Variants in PRELID2 observed in about 807,000 individuals in gnomAD.
The protein encoded by PRELID2 is PRELI domain containing 2.
A neutral mutation model predicts 28.4 loss-of-function variants in PRELID2; 25 were observed. The observed-to-expected ratio is 0.88, with a 90% CI of 0.64 to 1.23. The LOEUF is 1.23. Ranked by LOEUF, PRELID2 falls within the 50% of genes most tolerant of loss-of-function variation. PRELID2 has a pLI of 0.00. For synonymous variants in PRELID2, 76 were observed against 71.6 expected (o/e 1.06, Z -0.31); for missense variants, 201 against 214.4 (o/e 0.94, Z 0.39).
chr5:145,334,248 T>C, the PRELID2 span, among the ~76,000 whole-genome samples: 1 of 152,216 alleles, frequency 6.6e-6, no homozygotes, highest in Non-Finnish European at 1.5e-5. Flanking sequence ...AAAAATTATT[T>C]TTTGGTTACT....
Position 145,787,904 on chromosome 5 carries a change from A to G in PRELID2, c.474+8538T>C, listed in dbSNP as rs76820546. On this transcript the variant is annotated intron_variant, in intron 5 of 6. Coordinates refer to ENST00000683046, the MANE Select transcript of PRELID2 (RefSeq NM_205846.3). ...ATATGAACAAATAATCAGTCTATCT[A>G]TGGTCTTAAAATTTCATGGTGAAAA... Among the ~76,000 whole-genome samples, 100 of 152,276 alleles carry G rather than the reference A, an allele frequency of 6.6e-4. 1 individual carries two copies. In the East Asian group the frequency reaches 0.017, roughly 26 times the overall value.
chr5:145,799,024 A>AT (rs1752952816), intron 4 of PRELID2, among the ~76,000 whole-genome samples: 1 of 148,938 alleles, frequency 6.7e-6, no homozygotes, highest in African/African-American at 2.5e-5. Context: ...AAGTATAATA[A>AT]AATATATATA....
At chr5:145,243,228 G>A in the PRELID2 span, among the ~76,000 whole-genome samples, 1 of 151,976 alleles carries the variant, frequency 6.6e-6, no homozygotes, top group African/African-American at 2.4e-5. Flanking sequence ...CAAAAGAGTT[G>A]GAAATGCCTT....
At chr5:145,735,825 T>C (rs572947670) in intron 1 of PRELID2, among the ~76,000 whole-genome samples, 1 of 152,286 alleles carries the variant, frequency 6.6e-6, no homozygotes, top group Admixed American at 6.5e-5. Context: ...TAAAGCACCC[T>C]CTACAGATGT....
chr5:145,501,604 C>G (rs977133356), intron 1 of PRELID2, among the ~76,000 whole-genome samples: 1 of 152,162 alleles, frequency 6.6e-6, no homozygotes, highest in African/African-American at 2.4e-5. Flanking sequence ...CTTGCTGCCT[C>G]CAGGTATGAA....
chr5:145,422,051 G>A, the PRELID2 span, among the ~76,000 whole-genome samples: 40 of 141,298 alleles, frequency 2.8e-4, 2 homozygotes, highest in South Asian at 8.9e-3. Flanking sequence ...TTTTGAGTGA[G>A]ATTCTTAATC....
the PRELID2 span, among the ~76,000 whole-genome samples, chr5:145,249,937 GTCTCTCTCTC>G: frequency 1.0e-4 from 14 of 138,698 alleles, 1 homozygote; most frequent in East Asian, 2.5e-3. Flanking sequence ...CTCTCTCTCT[GTCTCTCTCTC>G]TCTCTCTCTC....
intron 1 of PRELID2, among the ~76,000 whole-genome samples, chr5:145,657,362 C>T (rs981330602): frequency 6.6e-6 from 1 of 152,098 alleles, no homozygotes; most frequent in Non-Finnish European, 1.5e-5. Context: ...TACTGGATGA[C>T]TCTACCTGCT....
At chr5:145,366,811 T>C in the PRELID2 span, among the ~76,000 whole-genome samples, 4 of 151,852 alleles carry the variant, frequency 2.6e-5, no homozygotes, top group Admixed American at 6.6e-5. Flanking sequence ...TATCCATAGA[T>C]GCTCCATTTT....
the PRELID2 span, among the ~76,000 whole-genome samples, chr5:145,357,406 C>T: frequency 6.6e-6 from 1 of 152,258 alleles, no homozygotes; most frequent in Non-Finnish European, 1.5e-5. Context: ...TTTACATAAT[C>T]CCATATTTCT....
At chr5:145,343,473 GAA>G in the PRELID2 span, among the ~76,000 whole-genome samples, 106 of 147,144 alleles carry the variant, frequency 7.2e-4, no homozygotes, top group African/African-American at 2.6e-3. Context: ...TAAAACAAAT[GAA>G]AAAAAAACAT....
In PRELID2 at chr5:145,823,066, A is replaced by G. The variant is rs763941533; in HGVS notation, c.133+11T>C. 6 of 1,433,842 alleles carry G rather than the reference A, an allele frequency of 4.2e-6. No homozygotes were observed. In the East Asian group the frequency reaches 1.1e-4, roughly 27 times the overall value. The allele number at this position is 1,433,842 out of a possible 1,614,324, so 88.8% of individuals were successfully genotyped here. ...ATGATCATTACTGAAAAAACTGTAC[A>G]GAGAACTTACCTCTTTTTTCCTCCA... On this transcript the variant is annotated intron_variant, in intron 2 of 6. Transcript: ENST00000683046.
intron 1 of PRELID2, among the ~76,000 whole-genome samples, chr5:145,496,429 GA>G (rs904629253): frequency 2.0e-5 from 3 of 151,994 alleles, no homozygotes; most frequent in Admixed American, 2.0e-4. Context: ...AGTATATACA[GA>G]AAAAAAGAGA....
chr5:145,652,774 C>G (rs1244490999), intron 1 of PRELID2, among the ~76,000 whole-genome samples: 1 of 152,146 alleles, frequency 6.6e-6, no homozygotes, highest in East Asian at 1.9e-4. Flanking sequence ...AAGGAACAAC[C>G]AGTACCAGCC....
chr5:145,678,950 C>T (rs73302022), intron 1 of PRELID2, among the ~76,000 whole-genome samples: 7,268 of 152,228 alleles, frequency 0.048, 617 homozygotes, highest in African/African-American at 0.17. Flanking sequence ...CTTTATTGCT[C>T]ATGAAATTCA....
At chr5:145,412,155 G>T in the PRELID2 span, among the ~76,000 whole-genome samples, 4 of 152,132 alleles carry the variant, frequency 2.6e-5, no homozygotes, top group Admixed American at 1.3e-4. Flanking sequence ...ATTAATATTT[G>T]GTTCCTCATT....
chr5:145,686,465 G>A (rs775375754), intron 1 of PRELID2, among the ~76,000 whole-genome samples: 1 of 151,990 alleles, frequency 6.6e-6, no homozygotes, highest in African/African-American at 2.4e-5. Flanking sequence ...CTAAACAGGG[G>A]AAGGGTCTTT....
At chr5:145,519,380 G>A (rs1752544791) in intron 1 of PRELID2, among the ~76,000 whole-genome samples, 1 of 152,104 alleles carries the variant, frequency 6.6e-6, no homozygotes, top group Non-Finnish European at 1.5e-5. Context: ...TAAAAGTATA[G>A]AGAAAATTGC....
intron 1 of PRELID2, among the ~76,000 whole-genome samples, chr5:145,569,373 G>A (rs1752998386): frequency 6.6e-6 from 1 of 152,260 alleles, no homozygotes; most frequent in African/African-American, 2.4e-5. Flanking sequence ...GCCCTTAATT[G>A]TAATTTTTAA....
Sources: allele counts gnomAD v4.1 joint callset (sites outside exome capture counted in the v4.1 genomes callset), GRCh38; gene constraint gnomAD v4.1.1; transcripts MANE v1.5; gene names NCBI Gene and HGNC (gene_info 2026-07-23, HGNC 2026-07-21).